Variants in NBEAL1 observed in about 807,000 individuals in gnomAD.
NBEAL1 encodes the protein neurobeachin-like protein 1.
A neutral mutation model predicts 351.3 loss-of-function variants in NBEAL1; 273 were observed. The ratio of observed to expected loss-of-function variants is 0.78; its 90% CI spans 0.70 to 0.86. The LOEUF is 0.86. Among genes scored for constraint, NBEAL1 ranks in the 40% least tolerant of loss-of-function variants. The pLI is 0.00. For synonymous variants in NBEAL1, 1,050 were observed against 1,086.4 expected, an observed-to-expected ratio of 0.97 and a Z score of 0.66; for missense variants, 2,961 against 3,201.3, an observed-to-expected ratio of 0.92 and a Z score of 1.81.
chr2:203,049,958 C>T lies in NBEAL1; in HGVS notation c.288C>T (p.Phe96=), dbSNP rs1182534039. Residue 96 remains phenylalanine, a synonymous_variant, in exon 4 of 56, where the codon TTC becomes TTT. Coordinates refer to ENST00000683969, the MANE Select transcript of NBEAL1 (RefSeq NM_001378026.1). ...CCTTGTCAATTTTGCTTGTCAAGTT[C>T]TTCATTATTCTTTGCAGGTATCTAG... ...QQALSILLVK[F]FIILCRNLSN... 2.6e-6 allele frequency: 4 copies of T among 1,551,658 alleles called. No homozygotes were observed. In the South Asian group the frequency reaches 4.8e-5, roughly 18 times the overall value.
chr2:203,062,367 A>C lies in NBEAL1; in HGVS notation c.515+4914A>C. The C allele has an allele frequency of 2.1e-6, 1 of 479,604 alleles. No homozygotes were observed. The highest frequency in any genetic ancestry group is 4.2e-6 in the Non-Finnish European group (1 of 240,174). The allele number at this position is 479,604 out of a possible 1,614,324, so 29.7% of individuals were successfully genotyped here. ...AGCAACGCCCACTCCTGAGGGGTGAAGGTTACAGCCACATCCTCAAAAGTC... is the reference window on the plus strand; with the variant it reads ...AGCAACGCCCACTCCTGAGGGGTGACGGTTACAGCCACATCCTCAAAAGTC... On this transcript the variant is annotated intron_variant, in intron 6 of 55. Coordinates refer to ENST00000683969, the MANE Select transcript of NBEAL1 (RefSeq NM_001378026.1). This position sits in a 1 kb window ranked among gnomAD's most constrained non-coding sequence, Gnocchi z 4.2.
At chr2:203,201,945 T>C (rs181823585) in intron 50 of NBEAL1, among the ~76,000 whole-genome samples, 3 of 152,030 alleles carry the variant, frequency 2.0e-5, no homozygotes, top group Non-Finnish European at 4.4e-5. Context: ...CTGGAAAATG[T>C]TAGGCTAAGT....
At chr2:203,044,181 G>A (rs1046633417) in intron 3 of NBEAL1, among the ~76,000 whole-genome samples, 1 of 152,140 alleles carries the variant, frequency 6.6e-6, no homozygotes, top group Non-Finnish European at 1.5e-5. Flanking sequence ...AAAAAGACTA[G>A]TACTTCGTTA....
chr2:203,056,462 C>A lies in NBEAL1; in HGVS notation c.341C>A (p.Ser114Ter). 2.6e-6 allele frequency: 4 copies of A among 1,550,792 alleles called. No homozygotes were observed. The highest frequency in any genetic ancestry group is 2.4e-5 in the East Asian group (1 of 41,930). ...AATGTGGAAGAAATTGGGACTTGCT[C>A]GTACATTAATTATGTCATCACCATG... is the stretch of plus-strand genomic sequence containing the variant. The part of the protein sequence containing the change: ...LSNVEEIGTC[S>*]YINYVITMTT... Residue 114 changes from serine to a stop codon, truncating the protein, a stop_gained, in exon 5 of 56, where the codon TCG (serine) becomes TAG (stop). Coordinates refer to ENST00000683969, the MANE Select transcript of NBEAL1 (RefSeq NM_001378026.1). LOFTEE classifies it high-confidence loss of function.
At chr2:203,197,436 T>C (rs780023138) in intron 48 of NBEAL1, 45 bp downstream of exon 48, 22 of 1,227,340 alleles carry the variant, frequency 1.8e-5, no homozygotes, top group African/African-American at 3.0e-5. Context: ...CCTATATTCA[T>C]TACAACTTAG....
Position 203,221,218 on chromosome 2 carries a change from T to C in NBEAL1, c.*3864T>C, listed in dbSNP as rs184100124. ...ATGACCTTTGCCTTTATGTATATTT[T>C]ATATTGTTACTACTAAAGAGACCAC... On this transcript the variant is annotated 3_prime_UTR_variant, in exon 56 of 56. Transcript: ENST00000683969. Among the ~76,000 whole-genome samples the C allele has an allele frequency of 1.3e-5, 2 of 152,154 alleles. No individual in the cohort carries two copies. Among genetic ancestry groups the C allele is most frequent in the Admixed American group, 1.3e-4 (2 of 15,292 alleles).
At chr2:203,172,663 A>G in intron 40 of NBEAL1, 66 bp from the exon 41 acceptor site, 1 of 1,396,690 alleles carries the variant, frequency 7.2e-7, no homozygotes, top group Non-Finnish European at 9.6e-7. Context: ...ACCATTTGAT[A>G]TTAGATATGA....
chr2:203,108,628 C>T (rs1451625955), intron 14 of NBEAL1, among the ~76,000 whole-genome samples: 1 of 152,052 alleles, frequency 6.6e-6, no homozygotes, highest in East Asian at 1.9e-4. Context: ...TGGTCTCCAT[C>T]TCCTGACCTC....
chr2:203,116,755 G>T (rs566177630), intron 18 of NBEAL1, among the ~76,000 whole-genome samples: 2 of 141,538 alleles, frequency 1.4e-5, no homozygotes, highest in African/African-American at 2.6e-5. Context: ...GCACCATTAC[G>T]CTCCAGCCTA....
chr2:203,095,771 TTTTG>T (rs754852300), intron 10 of NBEAL1, among the ~76,000 whole-genome samples: 4 of 152,028 alleles, frequency 2.6e-5, no homozygotes, highest in African/African-American at 4.8e-5. Context: ...TTTTTGTTTG[TTTTG>T]TTTGTTTGTT....
At chr2:203,160,350 G>A (rs2063915068) in intron 36 of NBEAL1, among the ~76,000 whole-genome samples, 1 of 152,042 alleles carries the variant, frequency 6.6e-6, no homozygotes, top group African/African-American at 2.4e-5. Context: ...CAAAGTGCCT[G>A]GATTACAGGC....
At chr2:203,027,177 A>G (rs1377062865) in intron 2 of NBEAL1, among the ~76,000 whole-genome samples, 1 of 152,210 alleles carries the variant, frequency 6.6e-6, no homozygotes, top group East Asian at 1.9e-4. Context: ...CTTTGAAGGT[A>G]TCAGAATTCA....
At chr2:203,059,474 T>G (rs567530630) in intron 6 of NBEAL1, among the ~76,000 whole-genome samples, 13 of 152,344 alleles carry the variant, frequency 8.5e-5, no homozygotes, top group Non-Finnish European at 1.5e-4. Context: ...CTGGTCACCA[T>G]GTGTGAGAGA....
intron 2 of NBEAL1, chr2:203,040,788 C>G (rs2061127723): frequency 1.9e-6 from 1 of 536,598 alleles, no homozygotes; most frequent in Admixed American, 2.1e-5. Context: ...GTGATCTTGG[C>G]TCACTGCAAC....
intron 42 of NBEAL1, among the ~76,000 whole-genome samples, chr2:203,178,593 T>C (rs1032086348): frequency 1.1e-4 from 17 of 152,260 alleles, no homozygotes; most frequent in Non-Finnish European, 2.4e-4. Flanking sequence ...GAATGAAGTA[T>C]TGATACATGC....
At chr2:203,092,961 G>A (rs2062095213) in intron 10 of NBEAL1, among the ~76,000 whole-genome samples, 1 of 152,134 alleles carries the variant, frequency 6.6e-6, no homozygotes, top group Admixed American at 6.5e-5. Flanking sequence ...CGCTGGATGC[G>A]GTAGCTCACA....
Position 203,041,207 on chromosome 2 carries a change from A to G in NBEAL1, c.52-558A>G, listed in dbSNP as rs141171325. Among the ~76,000 whole-genome samples the G allele has an allele frequency of 6.7e-3, 1,028 of 152,330 alleles. 7 individuals are homozygous for G. Among genetic ancestry groups the G allele is most frequent in the Non-Finnish European group, 0.01 (695 of 68,022 alleles). On this transcript the variant is annotated intron_variant, in intron 2 of 55. Coordinates refer to ENST00000683969, the MANE Select transcript of NBEAL1 (RefSeq NM_001378026.1). Reference sequence around the variant, plus strand: ...TTGTTGGTAAATGAGTAACTCAAGCATTTGTACAAGGTTCCCTAAGACTCC... The same window carrying G: ...TTGTTGGTAAATGAGTAACTCAAGCGTTTGTACAAGGTTCCCTAAGACTCC...
intron 45 of NBEAL1, among the ~76,000 whole-genome samples, chr2:203,190,007 G>A (rs992185067): frequency 1.3e-5 from 2 of 151,712 alleles, no homozygotes; most frequent in Non-Finnish European, 2.9e-5. Context: ...GTGGTGGCAC[G>A]GACCTGTAGT....
intron 12 of NBEAL1, among the ~76,000 whole-genome samples, chr2:203,105,587 C>T (rs1313347202): frequency 3.9e-5 from 6 of 152,062 alleles, no homozygotes; most frequent in African/African-American, 1.2e-4. Context: ...ATAGATGTGC[C>T]GATTTTCACT....
Sources: allele counts gnomAD v4.1 joint callset (sites outside exome capture counted in the v4.1 genomes callset), GRCh38; gene constraint gnomAD v4.1.1; non-coding constraint Gnocchi (gnomAD v3.1); transcripts MANE v1.5; gene names NCBI Gene and HGNC (gene_info 2026-07-23, HGNC 2026-07-21).